Variants in LRP1B observed in about 807,000 individuals in gnomAD.
The protein encoded by LRP1B is low-density lipoprotein receptor-related protein 1B.
In LRP1B, 217 loss-of-function variants were observed where a neutral mutation model predicts 556.6. The ratio of observed to expected loss-of-function variants is 0.39; its 90% CI spans 0.35 to 0.44. The LOEUF (loss-of-function observed/expected upper bound fraction) is 0.44, where lower values mean the gene tolerates loss of function less well. LRP1B is among the 20% of genes least tolerant of loss of function. The pLI is 1.00. For missense variants in LRP1B, 5,053 were observed against 5,620.8 expected (o/e 0.90, Z 3.23); for synonymous variants, 2,047 against 1,865.8 (o/e 1.10, Z -2.50).
At chr2:140,552,964 T>C (rs1169860102) in intron 43 of LRP1B, among the ~76,000 whole-genome samples, 1 of 152,078 alleles carries the variant, frequency 6.6e-6, no homozygotes, top group Non-Finnish European at 1.5e-5. Flanking sequence ...GTGAAAGCAC[T>C]CAAACCAGTA....
At chr2:140,511,815 A>T (rs990611197) in intron 51 of LRP1B, among the ~76,000 whole-genome samples, 1 of 152,176 alleles carries the variant, frequency 6.6e-6, no homozygotes, top group African/African-American at 2.4e-5. Context: ...TTCATTTAAA[A>T]ATTATTTTGT....
Position 140,425,052 on chromosome 2 carries a change from CGT to C in LRP1B, c.10414+17450_10414+17451del, listed in dbSNP as rs1491380291. The stretch of plus-strand genomic sequence containing the variant: ...AATCCCTGGCCTGGTCTTGGAGGGA[CGT>C]TTTTTTTTTATCACTGACTATGTTT... On this transcript the variant is annotated intron_variant, in intron 66 of 90. Transcript: ENST00000389484. 2.0e-3 allele frequency among the ~76,000 whole-genome samples: 300 copies of C among 151,060 alleles called. 2 individuals carry two copies. The highest frequency in any genetic ancestry group is 7.1e-3 in the African/African-American group (292 of 40,998).
intron 3 of LRP1B, among the ~76,000 whole-genome samples, chr2:141,458,509 A>T (rs1681723525): frequency 6.6e-6 from 1 of 152,210 alleles, no homozygotes; most frequent in Non-Finnish European, 1.5e-5. Flanking sequence ...AAGACACAAC[A>T]TTAATCCTGC....
At chr2:141,411,982 C>T (rs1690869275) in intron 3 of LRP1B, among the ~76,000 whole-genome samples, 1 of 151,782 alleles carries the variant, frequency 6.6e-6, no homozygotes, top group Non-Finnish European at 1.5e-5. Flanking sequence ...AATACTGCAC[C>T]TCATACTAGA....
At chr2:140,543,525 G>A (rs1680213480) in intron 43 of LRP1B, among the ~76,000 whole-genome samples, 1 of 151,800 alleles carries the variant, frequency 6.6e-6, no homozygotes, top group Admixed American at 6.6e-5. Flanking sequence ...CCCAATACAT[G>A]CAGAAAAACC....
intron 11 of LRP1B, among the ~76,000 whole-genome samples, chr2:141,030,437 T>C (rs1185237718): frequency 6.6e-6 from 1 of 152,158 alleles, no homozygotes; most frequent in Non-Finnish European, 1.5e-5. Flanking sequence ...GAAATTCCTC[T>C]ATTTAAGACA....
intron 62 of LRP1B, among the ~76,000 whole-genome samples, chr2:140,452,210 T>C (rs1221186186): frequency 3.3e-5 from 5 of 152,148 alleles, no homozygotes; most frequent in African/African-American, 1.2e-4. Context: ...ACTTCATTAT[T>C]GCCCAAATAT....
In LRP1B at chr2:141,691,465, A is replaced by AACACACACACACAC. The variant is rs10522926; in HGVS notation, c.205+118800_205+118813dup. Among the ~76,000 whole-genome samples the AACACACACACACAC allele has an allele frequency of 5.3e-5, 7 of 133,248 alleles. No homozygotes were observed. In the East Asian group the frequency reaches 7.8e-4, roughly 15 times the overall value. The allele number at this position is 133,248 out of a possible 152,430, so 87.4% of individuals were successfully genotyped here. A position where few individuals can be genotyped will look rare whatever the true frequency, so the allele number is the denominator to read the frequency against. On this transcript the variant is annotated intron_variant, in intron 2 of 90. Coordinates refer to ENST00000389484, the MANE Select transcript of LRP1B (RefSeq NM_018557.3). ...AAAAAAGTTGGCCAGGTAATCAGCCAACACACACACACACACACACGTTGC... is the reference window on the plus strand; with the variant it reads ...AAAAAAGTTGGCCAGGTAATCAGCCAACACACACACACACACACACACACACACACACACGTTGC...
intron 82 of LRP1B, among the ~76,000 whole-genome samples, chr2:140,321,254 TATTTAA>T (rs1680105362): frequency 1.3e-5 from 2 of 151,966 alleles, no homozygotes; most frequent in African/African-American, 4.8e-5. Flanking sequence ...TATTTTTTGT[TATTTAA>T]TATTTAGCAT....
At chr2:140,717,674 T>A (rs1329314368) in intron 35 of LRP1B, among the ~76,000 whole-genome samples, 1 of 152,046 alleles carries the variant, frequency 6.6e-6, no homozygotes, top group African/African-American at 2.4e-5. Context: ...ACTAAGTACG[T>A]TTTTGTGTTG....
At chr2:140,291,030 A>G (rs13031109) in intron 84 of LRP1B, among the ~76,000 whole-genome samples, 54,391 of 151,498 alleles carry the variant, frequency 0.36, 11,323 homozygotes, top group Non-Finnish European at 0.49. Context: ...ACATTTGTTG[A>G]AAGGATACAT....
intron 32 of LRP1B, among the ~76,000 whole-genome samples, chr2:140,807,644 C>A (rs1032369439): frequency 4.6e-5 from 7 of 151,444 alleles, no homozygotes; most frequent in African/African-American, 1.7e-4. Context: ...AGTCACTGCT[C>A]CTGGTCAAAC....
chr2:140,304,316 A>G (rs1353371739), intron 83 of LRP1B, among the ~76,000 whole-genome samples: 1 of 152,020 alleles, frequency 6.6e-6, no homozygotes, highest in African/African-American at 2.4e-5. Flanking sequence ...CCTCTCCAGC[A>G]CCTGTTGTTT....
At chr2:140,906,526 T>G (rs2105229231) in intron 22 of LRP1B, among the ~76,000 whole-genome samples, 1 of 152,212 alleles carries the variant, frequency 6.6e-6, no homozygotes, top group Non-Finnish European at 1.5e-5. Flanking sequence ...CTGCAGGGCA[T>G]CAGGCATTAT....
intron 3 of LRP1B, among the ~76,000 whole-genome samples, chr2:141,354,938 C>T (rs1688572479): frequency 6.6e-6 from 1 of 152,136 alleles, no homozygotes; most frequent in African/African-American, 2.4e-5. Flanking sequence ...TAGTTTATCA[C>T]TAGTAGCAAA....
At chr2:141,090,620 A>G (rs1700150900) in intron 7 of LRP1B, among the ~76,000 whole-genome samples, 1 of 152,218 alleles carries the variant, frequency 6.6e-6, no homozygotes, top group South Asian at 2.1e-4. Flanking sequence ...AAGTAAGTTG[A>G]AATTCAACTT....
chr2:141,638,855 G>C, intron 2 of LRP1B, among the ~76,000 whole-genome samples: 1 of 75,596 alleles, frequency 1.3e-5, no homozygotes, highest in South Asian at 4.2e-4. Context: ...AGACTGTAAG[G>C]TAGCCATATA....
intron 29 of LRP1B, among the ~76,000 whole-genome samples, chr2:140,848,237 T>C (rs1299695381): frequency 6.6e-6 from 1 of 152,216 alleles, no homozygotes; most frequent in Non-Finnish European, 1.5e-5. Context: ...TTGTTCTTTT[T>C]AATCCAGTCT....
chr2:141,638,384 TTTG>T (rs1203073333), intron 2 of LRP1B, among the ~76,000 whole-genome samples: 2 of 152,042 alleles, frequency 1.3e-5, no homozygotes, highest in Middle Eastern at 3.4e-3. Flanking sequence ...AATCTCTTTT[TTTG>T]TTGTTGTTTT....
Sources: allele counts gnomAD v4.1 joint callset (sites outside exome capture counted in the v4.1 genomes callset), GRCh38; gene constraint gnomAD v4.1.1; transcripts MANE v1.5; gene names NCBI Gene and HGNC (gene_info 2026-07-23, HGNC 2026-07-21).